The following NTNG2 variants were observed in gnomAD, a reference collection of about 807,000 sequenced individuals.
NTNG2 encodes netrin-G2.
Under a neutral mutation model 47.6 loss-of-function variants are expected in NTNG2, and 15 were observed. The ratio of observed to expected loss-of-function variants is 0.32; its 90% CI spans 0.21 to 0.49. The LOEUF is 0.49. NTNG2 is among the 20% of genes least tolerant of loss of function. The pLI is 0.99. For missense variants in NTNG2, 578 were observed against 764.6 expected (o/e 0.76, Z 2.88); for synonymous variants, 307 against 324.6 (o/e 0.95, Z 0.58).
intron 3 of NTNG2, among the ~76,000 whole-genome samples, chr9:132,204,678 G>A (rs1839032945): frequency 6.6e-6 from 1 of 152,132 alleles, no homozygotes; most frequent in South Asian, 2.1e-4. Flanking sequence ...CATAGCCCAG[G>A]TAGCATCCCG....
chr9:132,244,422 C>G lies in NTNG2; in HGVS notation c.*2311C>G, dbSNP rs1387219869. 2 of 152,320 alleles carry G rather than the reference C, an allele frequency of 1.3e-5. No homozygotes were observed. The highest frequency in any genetic ancestry group is 2.9e-5 in the Non-Finnish European group (2 of 68,110). The allele number at this position is 152,320 out of a possible 1,614,324, so 9.4% of individuals were successfully genotyped here. On this transcript the variant is annotated 3_prime_UTR_variant, in exon 8 of 8. Coordinates refer to ENST00000393229, the MANE Select transcript of NTNG2 (RefSeq NM_032536.4). ...CTCAAACTCCTAGGCTCAAGTGAGCCTCCGGCCTTGGCCTCCCGAAGTGCT... is the reference window on the plus strand; with the variant it reads ...CTCAAACTCCTAGGCTCAAGTGAGCGTCCGGCCTTGGCCTCCCGAAGTGCT...
chr9:132,200,825 T>C (rs938020606), intron 3 of NTNG2, among the ~76,000 whole-genome samples: 4 of 152,234 alleles, frequency 2.6e-5, no homozygotes, highest in African/African-American at 9.6e-5. Flanking sequence ...AGGAATGTTC[T>C]GGAAACCACC....
chr9:132,220,629 A>AT (rs1219849471), intron 3 of NTNG2, among the ~76,000 whole-genome samples: 4 of 151,812 alleles, frequency 2.6e-5, no homozygotes, highest in African/African-American at 4.8e-5. Flanking sequence ...AATTTTTGTG[A>AT]TTTTAGTAGA....
chr9:132,219,996 A>G (rs561474981), intron 3 of NTNG2, among the ~76,000 whole-genome samples: 1 of 152,228 alleles, frequency 6.6e-6, no homozygotes, highest in Non-Finnish European at 1.5e-5. Flanking sequence ...CATCCTCACC[A>G]GCAGGTGATT....
intron 3 of NTNG2, among the ~76,000 whole-genome samples, chr9:132,200,145 C>T (rs776190927): frequency 5.3e-5 from 8 of 151,962 alleles, no homozygotes; most frequent in South Asian, 2.1e-4. Flanking sequence ...GCACATAATA[C>T]GCACTAAAAA....
chr9:132,174,879 C>T (rs1346167492), intron 2 of NTNG2, among the ~76,000 whole-genome samples: 2 of 151,242 alleles, frequency 1.3e-5, no homozygotes, highest in Non-Finnish European at 2.9e-5. Flanking sequence ...CTGAGATCGT[C>T]CCACTGCACT....
At position 132,231,447 on chromosome 9, in the gene NTNG2, C is replaced by T; in HGVS notation, c.1054+852C>T. The T allele has an allele frequency of 2.5e-6, 1 of 406,222 alleles. No individual in the cohort carries two copies. The highest frequency in any genetic ancestry group is 1.7e-5 in the South Asian group (1 of 57,664). 25.2% of individuals were successfully genotyped at this position (406,222 alleles called of 1,614,324 possible). A position where few individuals can be genotyped will look rare whatever the true frequency, so the allele number is the denominator to read the frequency against. On this transcript the variant is annotated intron_variant, in intron 5 of 7. Coordinates refer to ENST00000393229, the MANE Select transcript of NTNG2 (RefSeq NM_032536.4). The surrounding 1 kb of genome is among the most constrained non-coding windows in gnomAD (Gnocchi z 4.1). ...CACCCTCCACCAGGGCTCTGTGGGG[C>T]CCCACATCCCACCCAAGTTGTCCCT...
At chr9:132,239,471 G>A (rs547868557) in intron 6 of NTNG2, among the ~76,000 whole-genome samples, 200 bp downstream of exon 6, 77 of 152,336 alleles carry the variant, frequency 5.1e-4, no homozygotes, top group Middle Eastern at 6.8e-3. Context: ...CTACCCTTGC[G>A]GTTCTCCGGT....
At chr9:132,190,452 G>A (rs530173479) in intron 2 of NTNG2, among the ~76,000 whole-genome samples, 5 of 152,094 alleles carry the variant, frequency 3.3e-5, no homozygotes, top group East Asian at 1.9e-4. Context: ...GCAGGCTTGG[G>A]TGCAAGGCCA....
rs530615463 is a variant in NTNG2, at chr9:132,216,268, G to GCCA, written c.858-10580_858-10578dup. 2.0e-4 allele frequency among the ~76,000 whole-genome samples: 31 copies of GCCA among 152,290 alleles called. No individual in the cohort carries two copies. In the South Asian group the frequency reaches 6.4e-3, roughly 32 times the overall value. ...TGCAAACATTGAGCACCTACTGTGT[G>GCCA]CCAGGCAGTGTGTTAGACATTTACC... On this transcript the variant is annotated intron_variant, in intron 3 of 7. Coordinates refer to ENST00000393229, the MANE Select transcript of NTNG2 (RefSeq NM_032536.4).
rs985286677 is a variant in NTNG2 at position 132,197,491 on chromosome 9, C to A, written c.214-475C>A. 1.3e-5 allele frequency among the ~76,000 whole-genome samples: 2 copies of A among 152,226 alleles called. No homozygotes were observed. The highest frequency in any genetic ancestry group is 1.9e-4 in the East Asian group (1 of 5,178). ...AGAATGTGAATGGGAATTTTTGAGG[C>A]GGACAGAGTGGAAGGGCACATGAAG... On this transcript the variant is annotated intron_variant, in intron 2 of 7. Transcript: ENST00000393229. This position sits in a 1 kb window ranked among gnomAD's most constrained non-coding sequence, Gnocchi z 4.3.
At position 132,231,311 on chromosome 9, in the gene NTNG2, C is replaced by T. The variant is rs1180227230; in HGVS notation, c.1054+716C>T. The T allele has an allele frequency of 2.2e-6, 1 of 456,304 alleles. No homozygotes were observed. Among genetic ancestry groups the T allele is most frequent in the African/African-American group, 2.0e-5 (1 of 50,078 alleles). 28.3% of individuals were successfully genotyped at this position (456,304 alleles called of 1,614,324 possible). A position where few individuals can be genotyped will look rare whatever the true frequency, so the allele number is the denominator to read the frequency against. The stretch of plus-strand genomic sequence containing the variant: ...TCCTTTCAGCCTTGCAAACCCCTCC[C>T]CCTGGGAGGTCGCCATCTGCTCTGC... On this transcript the variant is annotated intron_variant, in intron 5 of 7. Transcript: ENST00000393229. The surrounding 1 kb of genome is among the most constrained non-coding windows in gnomAD (Gnocchi z 4.1).
intron 2 of NTNG2, among the ~76,000 whole-genome samples, chr9:132,172,722 ATTTTTTT>A (rs35406789): frequency 3.6e-5 from 3 of 83,484 alleles, no homozygotes; most frequent in Non-Finnish European, 6.5e-5. Flanking sequence ...TCAGGGCTGT[ATTTTTTT>A]TTTTTTTTTT....
At chr9:132,183,399 GC>G (rs1266332762) in intron 2 of NTNG2, among the ~76,000 whole-genome samples, 3 of 152,074 alleles carry the variant, frequency 2.0e-5, no homozygotes, top group South Asian at 4.1e-4. Flanking sequence ...TTAACCCATT[GC>G]CCCCCTGCAG....
At position 132,231,032 on chromosome 9, in the gene NTNG2, G is replaced by C. The variant is rs1589542656; in HGVS notation, c.1054+437G>C. 1.3e-5 allele frequency among the ~76,000 whole-genome samples: 2 copies of C among 152,148 alleles called. No homozygotes were observed. The highest frequency in any genetic ancestry group is 2.1e-4 in the South Asian group (1 of 4,826). On this transcript the variant is annotated intron_variant, in intron 5 of 7. Coordinates refer to ENST00000393229, the MANE Select transcript of NTNG2 (RefSeq NM_032536.4). The surrounding 1 kb of genome is among the most constrained non-coding windows in gnomAD (Gnocchi z 4.1). ...GAGTGGGGTGACCTTCCCCCACCAGGGGCAGAATCCACCCCCTAGCCTAAC... is the reference window on the plus strand; with the variant it reads ...GAGTGGGGTGACCTTCCCCCACCAGCGGCAGAATCCACCCCCTAGCCTAAC...
At position 132,231,243 on chromosome 9, in the gene NTNG2, C is replaced by T. The variant is rs542909711; in HGVS notation, c.1054+648C>T. The T allele has an allele frequency of 2.4e-5, 11 of 452,368 alleles. No homozygotes were observed. Among genetic ancestry groups the T allele is most frequent in the East Asian group, 7.0e-5 (1 of 14,226 alleles). 28.0% of individuals were successfully genotyped at this position (452,368 alleles called of 1,614,324 possible). A position where few individuals can be genotyped will look rare whatever the true frequency, so the allele number is the denominator to read the frequency against. ...CCCACAGGTTATCAGTAAATGTCATCGAGACTGTCCCCAGACACTCACAGG... is the reference window on the plus strand; with the variant it reads ...CCCACAGGTTATCAGTAAATGTCATTGAGACTGTCCCCAGACACTCACAGG... On this transcript the variant is annotated intron_variant, in intron 5 of 7. Transcript: ENST00000393229. The surrounding 1 kb of genome is among the most constrained non-coding windows in gnomAD (Gnocchi z 4.1).
rs7856706 is a variant in NTNG2 at position 132,182,999 on chromosome 9, G to C, written c.214-14967G>C. ...TGCACAGCCAAGTTTGAGAAGCACC[G>C]ATTGAAACCTCTCCCAGGCCTGCCC... On this transcript the variant is annotated intron_variant, in intron 2 of 7. Transcript: ENST00000393229. The surrounding 1 kb of genome is among the most constrained non-coding windows in gnomAD (Gnocchi z 4.2). Among the ~76,000 whole-genome samples, 3 of 152,190 alleles carry C rather than the reference G, an allele frequency of 2.0e-5. No individual in the cohort carries two copies. The highest frequency in any genetic ancestry group is 6.5e-5 in the Admixed American group (1 of 15,286).
intron 3 of NTNG2, among the ~76,000 whole-genome samples, chr9:132,209,575 G>A (rs1839432921): frequency 6.6e-6 from 1 of 152,182 alleles, no homozygotes; most frequent in East Asian, 1.9e-4. Flanking sequence ...TCCATGCTGC[G>A]GCGGGTCCAA....
intron 1 of NTNG2, among the ~76,000 whole-genome samples, chr9:132,165,500 T>TA (rs576226435): frequency 1.1e-4 from 17 of 152,152 alleles, no homozygotes; most frequent in African/African-American, 3.9e-4. Flanking sequence ...TTCTTACAGT[T>TA]AAAAAAAATT....
Sources: allele counts gnomAD v4.1 joint callset (sites outside exome capture counted in the v4.1 genomes callset), GRCh38; gene constraint gnomAD v4.1.1; non-coding constraint Gnocchi (gnomAD v3.1); transcripts MANE v1.5; gene names NCBI Gene and HGNC (gene_info 2026-07-23, HGNC 2026-07-21).